The following AATF variants were observed in gnomAD, a reference collection of about 807,000 sequenced individuals.
AATF encodes protein AATF.
A neutral mutation model predicts 63.7 loss-of-function variants in AATF; 48 were observed. That is an observed-to-expected ratio of 0.75 (90% CI 0.60 to 0.96). The LOEUF is 0.96. Among genes scored for constraint, AATF ranks in the 40% least tolerant of loss-of-function variants. The pLI is 0.00. For synonymous variants in AATF, 258 were observed against 247.7 expected (o/e 1.04, Z -0.39); for missense variants, 639 against 685.7 (o/e 0.93, Z 0.76).
intron 4 of AATF, among the ~76,000 whole-genome samples, chr17:36,981,826 G>A (rs998052371): frequency 1.3e-5 from 2 of 150,968 alleles, no homozygotes; most frequent in Non-Finnish European, 2.9e-5. Context: ...CATGAGCCAC[G>A]GTAACTAGCC....
chr17:36,964,041 C>CA (rs200680895), intron 4 of AATF, among the ~76,000 whole-genome samples: 5,748 of 150,138 alleles, frequency 0.038, 367 homozygotes, highest in African/African-American at 0.13. Flanking sequence ...AAAAAAGAAA[C>CA]AAAAAAAGAG....
At chr17:37,017,006 G>A (rs576902066) in intron 8 of AATF, among the ~76,000 whole-genome samples, 57 of 152,354 alleles carry the variant, frequency 3.7e-4, no homozygotes, top group Non-Finnish European at 7.6e-4. Flanking sequence ...AATATGTATA[G>A]TACACAAAGT....
intron 8 of AATF, among the ~76,000 whole-genome samples, chr17:37,008,278 A>G (rs1320503812): frequency 6.6e-6 from 1 of 152,236 alleles, no homozygotes; most frequent in Non-Finnish European, 1.5e-5. Context: ...TTAAGTCCCA[A>G]AACAACTTTG....
chr17:36,955,362 C>G (rs1322264437), intron 4 of AATF, among the ~76,000 whole-genome samples: 1 of 152,202 alleles, frequency 6.6e-6, no homozygotes, highest in Non-Finnish European at 1.5e-5. Flanking sequence ...CACTTAAAGT[C>G]TGCTTCTTCC....
At chr17:37,023,511 A>G (rs1265870316) in intron 10 of AATF, among the ~76,000 whole-genome samples, 2 of 150,146 alleles carry the variant, frequency 1.3e-5, no homozygotes, top group Non-Finnish European at 3.0e-5. Flanking sequence ...AACAGAGTTT[A>G]AAAAGAGGCA....
chr17:37,047,646 G>C (rs2071704792), intron 11 of AATF, among the ~76,000 whole-genome samples: 2 of 152,230 alleles, frequency 1.3e-5, no homozygotes, highest in Admixed American at 6.5e-5. Context: ...GAGCTGTAGG[G>C]CTAAAAGCTT....
chr17:37,050,910 T>G (rs2071742414), intron 11 of AATF, among the ~76,000 whole-genome samples: 1 of 152,200 alleles, frequency 6.6e-6, no homozygotes, highest in Non-Finnish European at 1.5e-5. Flanking sequence ...TTTTAATTAG[T>G]CAAAGGCAAA....
chr17:36,954,011 T>C, intron 4 of AATF, 104 bp downstream of exon 4: 1 of 1,253,174 alleles, frequency 8.0e-7, no homozygotes, highest in Non-Finnish European at 1.1e-6. Flanking sequence ...TATTGTGCTT[T>C]CTTCTCATCT....
Position 37,008,510 on chromosome 17 carries a change from G to T in AATF, c.1399-10495G>T, listed in dbSNP as rs531919756. Among the ~76,000 whole-genome samples the T allele has an allele frequency of 3.3e-5, 5 of 152,256 alleles. No homozygotes were observed. In the South Asian group the frequency reaches 1.0e-3, roughly 32 times the overall value. ...ATTAGCTCTTAGAGAGTGGGAGATG[G>T]AAACCTGTAACTGGTATTTGACAAG... On this transcript the variant is annotated intron_variant, in intron 8 of 11. Transcript: ENST00000619387.
At chr17:36,992,641 G>A (rs1244896130) in intron 8 of AATF, among the ~76,000 whole-genome samples, 4 of 149,266 alleles carry the variant, frequency 2.7e-5, no homozygotes, top group African/African-American at 7.4e-5. Context: ...TTGCCTGGAG[G>A]TCTGTTTAAA....
chr17:36,958,650 C>T (rs1051704281), intron 4 of AATF, among the ~76,000 whole-genome samples: 2 of 152,224 alleles, frequency 1.3e-5, no homozygotes, highest in African/African-American at 4.8e-5. Context: ...CACATGCCTT[C>T]ACCAGCTTAA....
At chr17:37,022,928 C>T in intron 10 of AATF, among the ~76,000 whole-genome samples, 1 of 152,052 alleles carries the variant, frequency 6.6e-6, no homozygotes, top group East Asian at 1.9e-4. Flanking sequence ...TACCTGTCTC[C>T]CCCCAGCCCC....
At chr17:36,959,320 G>A (rs2070927504) in intron 4 of AATF, among the ~76,000 whole-genome samples, 1 of 152,122 alleles carries the variant, frequency 6.6e-6, no homozygotes, top group African/African-American at 2.4e-5. Context: ...GTGGGTTCCT[G>A]TAATCCCATC....
At chr17:36,980,016 A>G (rs2071109420) in intron 4 of AATF, among the ~76,000 whole-genome samples, 1 of 152,292 alleles carries the variant, frequency 6.6e-6, no homozygotes, top group East Asian at 1.9e-4. Flanking sequence ...GTGAAATATG[A>G]TTTTTGATAG....
chr17:36,961,221 G>A (rs992913000), intron 4 of AATF, among the ~76,000 whole-genome samples: 2 of 152,118 alleles, frequency 1.3e-5, no homozygotes, highest in African/African-American at 4.8e-5. Context: ...AATCTGTATT[G>A]ATGGGTGCTT....
intron 8 of AATF, among the ~76,000 whole-genome samples, chr17:37,002,772 A>G (rs1311897472): frequency 1.3e-5 from 2 of 152,124 alleles, no homozygotes; most frequent in Admixed American, 1.3e-4. Flanking sequence ...TTGCTGAAAG[A>G]AATTAAAGAC....
intron 8 of AATF, among the ~76,000 whole-genome samples, chr17:37,013,754 A>G (rs760963524): frequency 2.6e-5 from 4 of 152,180 alleles, no homozygotes; most frequent in Admixed American, 6.5e-5. Flanking sequence ...AACAAGCGCT[A>G]TATTATGATT....
intron 11 of AATF, chr17:37,034,905 C>G (rs1361526120): frequency 6.6e-6 from 1 of 151,768 alleles, no homozygotes; most frequent in African/African-American, 2.4e-5. Context: ...GCGGGCGGAT[C>G]ACGAGGTCAG....
intron 4 of AATF, among the ~76,000 whole-genome samples, chr17:36,985,549 G>GT (rs2071162328): frequency 6.9e-6 from 1 of 145,182 alleles, no homozygotes; most frequent in Admixed American, 7.0e-5. Context: ...AGTTTTTTTT[G>GT]TTTTGTTTTT....
Sources: allele counts gnomAD v4.1 joint callset (sites outside exome capture counted in the v4.1 genomes callset), GRCh38; gene constraint gnomAD v4.1.1; transcripts MANE v1.5; gene names NCBI Gene and HGNC (gene_info 2026-07-23, HGNC 2026-07-21).